The following EPSTI1 variants were observed in gnomAD, a reference collection of about 807,000 sequenced individuals.
The protein encoded by EPSTI1 is epithelial stromal interaction 1, also known as epithelial-stromal interaction protein 1.
A neutral mutation model predicts 49.9 loss-of-function variants in EPSTI1; 66 were observed. That is an observed-to-expected ratio of 1.32 (90% CI 1.08 to 1.62). The LOEUF is 1.62. Among genes scored for constraint, EPSTI1 ranks in the 40% most tolerant of loss-of-function variants. The pLI is 0.00. For synonymous variants in EPSTI1, 137 were observed against 130.7 expected, an observed-to-expected ratio of 1.05 and a Z score of -0.33; for missense variants, 394 against 365.5, an observed-to-expected ratio of 1.08 and a Z score of -0.64.
intron 6 of EPSTI1, among the ~76,000 whole-genome samples, chr13:42,927,264 T>G (rs540359863): frequency 9.8e-5 from 15 of 152,342 alleles, no homozygotes; most frequent in African/African-American, 3.6e-4. Flanking sequence ...CTGGAATTGT[T>G]TCCTAGTCCT....
At chr13:42,889,230 CTAAT>C in intron 10 of EPSTI1, 1 of 1,565,082 alleles carries the variant, frequency 6.4e-7, no homozygotes, top group South Asian at 1.2e-5. Context: ...CTCGAAAAAA[CTAAT>C]AGAGAACCCT....
intron 1 of EPSTI1, among the ~76,000 whole-genome samples, chr13:42,970,936 G>A (rs2039752346): frequency 2.0e-5 from 3 of 152,128 alleles, no homozygotes. Context: ...GTCCTTGTAG[G>A]GCTCCACCGT....
intron 6 of EPSTI1, among the ~76,000 whole-genome samples, chr13:42,929,394 C>T (rs1355661095): frequency 6.6e-6 from 1 of 152,152 alleles, no homozygotes; most frequent in East Asian, 1.9e-4. Context: ...TAAAACTGTC[C>T]CCACATTCTG....
intron 5 of EPSTI1, among the ~76,000 whole-genome samples, chr13:42,955,877 TGGGGG>T (rs57603932): frequency 9.5e-6 from 1 of 105,546 alleles, no homozygotes; most frequent in Non-Finnish European, 1.7e-5. Flanking sequence ...AAGAAGTATT[TGGGGG>T]GGGGGGGAAG....
intron 8 of EPSTI1, among the ~76,000 whole-genome samples, chr13:42,916,328 C>T (rs1219762025): frequency 2.7e-5 from 4 of 150,684 alleles, no homozygotes; most frequent in Non-Finnish European, 5.9e-5. Flanking sequence ...CTTTCTTACA[C>T]AGGAGCTAAA....
intron 3 of EPSTI1, among the ~76,000 whole-genome samples, chr13:42,964,940 A>G (rs1443346268): frequency 2.0e-5 from 3 of 152,214 alleles, no homozygotes; most frequent in Admixed American, 2.0e-4. Context: ...CAGCTCTCTG[A>G]AAGATTCACT....
At chr13:42,942,030 C>CA (rs1352276903) in intron 6 of EPSTI1, among the ~76,000 whole-genome samples, 1 of 152,112 alleles carries the variant, frequency 6.6e-6, no homozygotes. Context: ...ATATGTATTT[C>CA]AAACCTATTT....
chr13:42,913,798 C>T (rs1245279524), intron 8 of EPSTI1, among the ~76,000 whole-genome samples: 1 of 152,140 alleles, frequency 6.6e-6, no homozygotes, highest in African/African-American at 2.4e-5. Context: ...GCTCTGTGTC[C>T]CCAGCCAAAC....
At chr13:42,947,656 A>T (rs1159727865) in intron 6 of EPSTI1, among the ~76,000 whole-genome samples, 3 of 152,214 alleles carry the variant, frequency 2.0e-5, no homozygotes, top group African/African-American at 7.2e-5. Context: ...GAAGGGCTAG[A>T]TGTAGCAAGT....
intron 3 of EPSTI1, 96 bp downstream of exon 3, chr13:42,968,998 A>T: frequency 8.5e-7 from 1 of 1,171,390 alleles, no homozygotes; most frequent in Non-Finnish European, 1.3e-6. Flanking sequence ...CAAACAAACT[A>T]CAATGGACAT....
intron 5 of EPSTI1, among the ~76,000 whole-genome samples, chr13:42,957,933 A>C (rs1221243557): frequency 6.6e-6 from 1 of 152,140 alleles, no homozygotes; most frequent in Non-Finnish European, 1.5e-5. Context: ...CTTTACTGGG[A>C]TCTTTTCTTT....
At chr13:42,912,522 T>C (rs1398585566) in intron 8 of EPSTI1, among the ~76,000 whole-genome samples, 2 of 152,038 alleles carry the variant, frequency 1.3e-5, no homozygotes, top group East Asian at 1.9e-4. Flanking sequence ...TCCAAATACA[T>C]ATAAGAATAA....
At chr13:42,981,626 T>A (rs2039988690) in intron 1 of EPSTI1, among the ~76,000 whole-genome samples, 1 of 152,238 alleles carries the variant, frequency 6.6e-6, no homozygotes, top group Non-Finnish European at 1.5e-5. Flanking sequence ...TCTACCGTCC[T>A]GCACAAACAG....
chr13:42,894,743 A>T lies in EPSTI1; in HGVS notation c.915+266T>A, dbSNP rs373339814. On this transcript the variant is annotated intron_variant, in intron 10 of 10. Transcript: ENST00000313624. Reference sequence around the variant, plus strand: ...TGGGCAAGGGATGATAAAAACCCTTAAAGTCCAGGCAATCATGCTGAGAAC... The same window carrying T: ...TGGGCAAGGGATGATAAAAACCCTTTAAGTCCAGGCAATCATGCTGAGAAC... Among the ~76,000 whole-genome samples the T allele has an allele frequency of 5.9e-5, 9 of 151,708 alleles. No homozygotes were observed. The East Asian group carries it at 1.2e-3, about 20-fold the overall frequency.
At chr13:42,964,521 T>C (rs529107724) in intron 3 of EPSTI1, among the ~76,000 whole-genome samples, 5 of 152,276 alleles carry the variant, frequency 3.3e-5, no homozygotes, top group African/African-American at 1.2e-4. Flanking sequence ...CCGAACCTAG[T>C]AAAGATGGTG....
At chr13:42,893,257 G>A (rs1331751715) in intron 10 of EPSTI1, among the ~76,000 whole-genome samples, 4 of 152,198 alleles carry the variant, frequency 2.6e-5, no homozygotes, top group Non-Finnish European at 5.9e-5. Flanking sequence ...TGATGGAAGT[G>A]TTCTAGTCGA....
At chr13:42,940,023 G>C (rs1296879739) in intron 6 of EPSTI1, among the ~76,000 whole-genome samples, 2 of 152,158 alleles carry the variant, frequency 1.3e-5, no homozygotes, top group Admixed American at 6.5e-5. Flanking sequence ...ACAGCAACTA[G>C]AGTAGTCATT....
chr13:42,937,518 A>G (rs2038605420), intron 6 of EPSTI1, among the ~76,000 whole-genome samples: 1 of 152,202 alleles, frequency 6.6e-6, no homozygotes, highest in Non-Finnish European at 1.5e-5. Flanking sequence ...GGTTTATACA[A>G]TATTCTAAAT....
chr13:42,992,178 G>T lies in EPSTI1; in HGVS notation c.-13C>A. 6.5e-7 allele frequency: 1 copy of T among 1,534,132 alleles called. No individual in the cohort carries two copies. The highest frequency in any genetic ancestry group is 8.8e-7 in the Non-Finnish European group (1 of 1,142,404). Reference sequence around the variant, plus strand: ...TGCGGGTGTTCATGGTTCACAGCCCGCGGGTCCCGGGCCGCCGTCGCTGCG... The same window carrying T: ...TGCGGGTGTTCATGGTTCACAGCCCTCGGGTCCCGGGCCGCCGTCGCTGCG... On this transcript the variant is annotated 5_prime_UTR_variant, in exon 1 of 11. Transcript: ENST00000313624.
Sources: gnomAD v4.1 joint callset for allele counts (sites outside exome capture counted in the v4.1 genomes callset) on GRCh38, gnomAD v4.1.1 for gene constraint, MANE v1.5 for transcripts, NCBI Gene and HGNC (gene_info 2026-07-23, HGNC 2026-07-21) for gene names.